Variants in KMT2E observed in about 807,000 individuals in gnomAD.
KMT2E encodes lysine methyltransferase 2E (inactive).
In KMT2E, 30 loss-of-function variants were observed where a neutral mutation model predicts 184.6. The ratio of observed to expected loss-of-function variants is 0.16; its 90% CI spans 0.12 to 0.22. KMT2E has a LOEUF of 0.22. Among genes scored for constraint, KMT2E ranks in the 10% least tolerant of loss-of-function variants. KMT2E has a pLI of 1.00. For missense variants in KMT2E, 2,023 were observed against 2,237.4 expected (o/e 0.90, Z 1.93); for synonymous variants, 815 against 776.5 (o/e 1.05, Z -0.82).
chr7:105,075,138 A>T (rs1797476211), intron 8 of KMT2E, among the ~76,000 whole-genome samples: 1 of 151,788 alleles, frequency 6.6e-6, no homozygotes, highest in African/African-American at 2.4e-5. Flanking sequence ...TGTCTGACAT[A>T]ATCCACTTAG....
chr7:105,063,595 A>G lies in KMT2E; in HGVS notation c.416+15A>G. ...GACAAATGCAGGTAAAATATTTTAC[A>G]CCATTATTTTATTTTTCTTGAATGC... On this transcript the variant is annotated intron_variant, in intron 5 of 26. Coordinates refer to ENST00000311117, the MANE Select transcript of KMT2E (RefSeq NM_182931.3). 3 of 1,484,662 alleles carry G rather than the reference A, an allele frequency of 2.0e-6. No individual in the cohort carries two copies. The highest frequency in any genetic ancestry group is 2.8e-6 in the Non-Finnish European group (3 of 1,087,260). The allele number at this position is 1,484,662 out of a possible 1,614,324, so 92.0% of individuals were successfully genotyped here.
intron 1 of KMT2E, among the ~76,000 whole-genome samples, chr7:105,035,863 A>G (rs909438984): frequency 1.4e-4 from 22 of 152,072 alleles, no homozygotes; most frequent in Admixed American, 3.9e-4. Flanking sequence ...CCGGCCATAA[A>G]CACAAATTTT....
At chr7:105,017,970 C>A (rs1255747257) in intron 1 of KMT2E, among the ~76,000 whole-genome samples, 3 of 152,070 alleles carry the variant, frequency 2.0e-5, no homozygotes, top group Non-Finnish European at 4.4e-5. Flanking sequence ...CCATATATGC[C>A]CCCAGTAAGC....
chr7:105,090,322 C>A, intron 14 of KMT2E, 49 bp downstream of exon 14: 2 of 1,543,188 alleles, frequency 1.3e-6, no homozygotes, highest in Non-Finnish European at 1.7e-6. Context: ...GGAAAATAAT[C>A]TGTCATATTT....
At chr7:105,090,308 CAAAGG>C in intron 14 of KMT2E, 35 bp downstream of exon 14, 1 of 1,556,276 alleles carries the variant, frequency 6.4e-7, no homozygotes, top group Non-Finnish European at 8.7e-7. Flanking sequence ...ATTGAATAAA[CAAAGG>C]AAAATAATCT....
chr7:105,056,736 G>A (rs566065967), intron 3 of KMT2E, among the ~76,000 whole-genome samples: 1 of 152,300 alleles, frequency 6.6e-6, no homozygotes, highest in South Asian at 2.1e-4. Flanking sequence ...ATTTGTAGTT[G>A]TACTTGAGAA....
chr7:105,112,787 A>ACCTCCCCCCCCC lies in KMT2E; in HGVS notation c.5033_5034insTCCCCCCCCCCC (p.Pro1681_Pro1684dup). On this transcript the variant is annotated inframe_insertion, in exon 27 of 27. Coordinates refer to ENST00000311117, the MANE Select transcript of KMT2E (RefSeq NM_182931.3). ...ATTCTCAAACTGCTGGACACCACTT[A>ACCTCCCCCCCCC]CCCCCACCCCCACCCCCTCCTGGTC... 6.8e-7 allele frequency: 1 copy of ACCTCCCCCCCCC among 1,462,822 alleles called. No individual in the cohort carries two copies. Among genetic ancestry groups the ACCTCCCCCCCCC allele is most frequent in the Non-Finnish European group, 9.3e-7 (1 of 1,080,408 alleles). 90.6% of individuals were successfully genotyped at this position (1,462,822 alleles called of 1,614,324 possible). A position where few individuals can be genotyped will look rare whatever the true frequency, so the allele number is the denominator to read the frequency against.
chr7:105,099,051 A>G (rs908216395), intron 15 of KMT2E, among the ~76,000 whole-genome samples: 1 of 152,208 alleles, frequency 6.6e-6, no homozygotes, highest in Non-Finnish European at 1.5e-5. Flanking sequence ...TGGCTGTGTC[A>G]AAGAATGTAC....
At chr7:105,018,238 G>A (rs1312252801) in intron 1 of KMT2E, among the ~76,000 whole-genome samples, 1 of 152,172 alleles carries the variant, frequency 6.6e-6, no homozygotes, top group Non-Finnish European at 1.5e-5. Flanking sequence ...GGACTTAAAT[G>A]TGTACAACCA....
At chr7:105,108,005 G>A (rs1180214322) in intron 22 of KMT2E, 80 bp downstream of exon 22, 3 of 974,354 alleles carry the variant, frequency 3.1e-6, no homozygotes, top group East Asian at 2.8e-5. Flanking sequence ...ATTGTTAGAT[G>A]TATTATGTAA....
rs562552422 is a variant in KMT2E, at chr7:105,106,434, A to T, written c.2597-88A>T. ...GTAAAAGTCATAACTGCCATTGTTT[A>T]TATTTTATCTTTCCCAGAATGTGAC... On this transcript the variant is annotated intron_variant, in intron 19 of 26. Coordinates refer to ENST00000311117, the MANE Select transcript of KMT2E (RefSeq NM_182931.3). 1.1e-5 allele frequency: 14 copies of T among 1,258,540 alleles called. No homozygotes were observed. In the African/African-American group the frequency reaches 1.9e-4, roughly 17 times the overall value. 78.0% of individuals were successfully genotyped at this position (1,258,540 alleles called of 1,614,324 possible).
chr7:105,108,914 T>G (rs781278253), intron 22 of KMT2E, 28 bp from the exon 23 acceptor site: 2 of 1,555,572 alleles, frequency 1.3e-6, no homozygotes, highest in African/African-American at 1.4e-5. Flanking sequence ...AATAAAAGAT[T>G]TGCTTTTTCT....
intron 3 of KMT2E, among the ~76,000 whole-genome samples, chr7:105,041,867 T>C (rs1326458433): frequency 6.6e-6 from 1 of 152,246 alleles, no homozygotes; most frequent in African/African-American, 2.4e-5. Context: ...ACTATTTTTT[T>C]TTCTGCTGCT....
rs182115610 is a variant in KMT2E, at chr7:105,110,069, G to A, written c.3756-211G>A. ...AGGCTGGTCTCAGACTCCTGACCTT[G>A]TAATCTGCCCACCTTGGCCTCCCAA... On this transcript the variant is annotated intron_variant, in intron 23 of 26. Transcript: ENST00000311117. 6.6e-3 allele frequency among the ~76,000 whole-genome samples: 1,004 copies of A among 152,120 alleles called. 8 individuals carry two copies. Among genetic ancestry groups the A allele is most frequent in the Non-Finnish European group, 0.011 (766 of 67,988 alleles).
At position 105,083,216 on chromosome 7, in the gene KMT2E, A is replaced by G. The variant is rs752618822; in HGVS notation, c.1358+1419A>G. On this transcript the variant is annotated intron_variant, in intron 13 of 26. Coordinates refer to ENST00000311117, the MANE Select transcript of KMT2E (RefSeq NM_182931.3). ...CTATAATGATGGCATCTTCGATGGT[A>G]TAATCCTTCCAGACTTTCATGATCT... 1.4e-4 allele frequency among the ~76,000 whole-genome samples: 21 copies of G among 152,332 alleles called. No homozygotes were observed. The Middle Eastern group carries it at 0.01, about 74-fold the overall frequency.
At chr7:105,022,099 G>A (rs1017785289) in intron 1 of KMT2E, among the ~76,000 whole-genome samples, 3 of 152,078 alleles carry the variant, frequency 2.0e-5, no homozygotes, top group African/African-American at 7.2e-5. Flanking sequence ...TATTACTGAA[G>A]TATGCATTTC....
intron 13 of KMT2E, among the ~76,000 whole-genome samples, chr7:105,086,850 GTATA>G (rs1282250138): frequency 6.9e-6 from 1 of 144,790 alleles, no homozygotes; most frequent in African/African-American, 2.5e-5. Context: ...AGCATATATA[GTATA>G]TATAATATAT....
intron 6 of KMT2E, among the ~76,000 whole-genome samples, chr7:105,068,636 T>TG (rs1382040820): frequency 5.9e-5 from 8 of 136,124 alleles, no homozygotes; most frequent in Non-Finnish European, 1.1e-4. Context: ...TTTTTTTTTT[T>TG]TTGTTTTTTT....
At chr7:105,057,780 T>A (rs1335788821) in intron 3 of KMT2E, among the ~76,000 whole-genome samples, 3 of 152,146 alleles carry the variant, frequency 2.0e-5, no homozygotes, top group Non-Finnish European at 2.9e-5. Context: ...AAATTCCCAT[T>A]TCTCTCATGT....
Sources: allele counts gnomAD v4.1 joint callset (sites outside exome capture counted in the v4.1 genomes callset), GRCh38; gene constraint gnomAD v4.1.1; transcripts MANE v1.5; gene names NCBI Gene and HGNC (gene_info 2026-07-23, HGNC 2026-07-21).